CPNE1: variants seen among roughly 807,000 people sequenced by gnomAD.
CPNE1 encodes the protein copine 1, also known as copine-1.
A neutral mutation model predicts 63.2 loss-of-function variants in CPNE1; 58 were observed. The ratio of observed to expected loss-of-function variants is 0.92; its 90% CI spans 0.74 to 1.14. The LOEUF is 1.14. CPNE1 is among the 50% of genes most tolerant of loss of function. The pLI is 0.00. For synonymous variants in CPNE1, 237 were observed against 249.0 expected, an observed-to-expected ratio of 0.95 and a Z score of 0.45; for missense variants, 672 against 661.7, an observed-to-expected ratio of 1.02 and a Z score of -0.17.
intron 1 of CPNE1, among the ~76,000 whole-genome samples, chr20:35,660,202 C>CT (rs963794869): frequency 9.7e-4 from 146 of 149,828 alleles, no homozygotes; most frequent in African/African-American, 2.6e-3. Context: ...AATCTAGCCT[C>CT]TTTTTTTTTT....
At chr20:35,653,225 C>A (rs774321563) in intron 1 of CPNE1, 1 of 1,613,572 alleles carries the variant, frequency 6.2e-7, no homozygotes. Context: ...TCACCTCCTG[C>A]ACTAGGTATT....
Position 35,659,383 on chromosome 20 carries a change from G to A in CPNE1, c.-1+5377C>T, listed in dbSNP as rs141818935. ...CCGTAACACAAGTCTATTTCCCCAGGTTCTCACCAAATTTGTGATGAAAAG... is the reference window on the plus strand; with the variant it reads ...CCGTAACACAAGTCTATTTCCCCAGATTCTCACCAAATTTGTGATGAAAAG... On this transcript the variant is annotated intron_variant, in intron 1 of 15. Transcript: ENST00000397443. 2.9e-3 allele frequency among the ~76,000 whole-genome samples: 448 copies of A among 152,234 alleles called. 4 individuals carry two copies. Among genetic ancestry groups the A allele is most frequent in the Admixed American group, 0.026 (399 of 15,296 alleles).
intron 1 of CPNE1, chr20:35,650,222 T>G (rs185144907): frequency 6.6e-6 from 1 of 152,400 alleles, no homozygotes; most frequent in Admixed American, 6.5e-5. Context: ...TTCTCTCCAA[T>G]TTCTACACAA....
intron 1 of CPNE1, among the ~76,000 whole-genome samples, chr20:35,648,557 C>G (rs1414043387): frequency 6.6e-6 from 1 of 152,212 alleles, no homozygotes; most frequent in Non-Finnish European, 1.5e-5. Context: ...AATAATGGCT[C>G]AGCTACTACC....
At chr20:35,634,550 C>T (rs542298751) in intron 1 of CPNE1, among the ~76,000 whole-genome samples, 3 of 150,694 alleles carry the variant, frequency 2.0e-5, no homozygotes, top group South Asian at 2.1e-4. Flanking sequence ...GCCGAGATCG[C>T]GCCACCGTAC....
intron 1 of CPNE1, among the ~76,000 whole-genome samples, chr20:35,640,969 A>G (rs2032770134): frequency 6.6e-6 from 1 of 152,218 alleles, no homozygotes; most frequent in South Asian, 2.1e-4. Flanking sequence ...CGAATGGAAC[A>G]GCTGAGTCTA....
At chr20:35,646,236 C>T (rs2033086674) in intron 1 of CPNE1, among the ~76,000 whole-genome samples, 1 of 111,562 alleles carries the variant, frequency 9.0e-6, no homozygotes, top group African/African-American at 3.5e-5. Flanking sequence ...GCCTGGGCAG[C>T]AGAGCAAGAC....
intron 1 of CPNE1, among the ~76,000 whole-genome samples, chr20:35,636,773 A>C (rs1478099155): frequency 1.3e-5 from 2 of 151,916 alleles, no homozygotes; most frequent in African/African-American, 2.4e-5. Flanking sequence ...ACTCCATCTC[A>C]AATAATAATA....
chr20:35,632,665 G>T lies in CPNE1; in HGVS notation c.161C>A (p.Ser54Ter), dbSNP rs1376430362. 8.0e-7 allele frequency: 1 copy of T among 1,251,880 alleles called. No individual in the cohort carries two copies. Among genetic ancestry groups the T allele is most frequent in the Non-Finnish European group, 1.2e-6 (1 of 849,060 alleles). The allele number at this position is 1,251,880 out of a possible 1,614,324, so 77.5% of individuals were successfully genotyped here. A position where few individuals can be genotyped will look rare whatever the true frequency, so the allele number is the denominator to read the frequency against. Reference sequence around the variant, plus strand: ...TAGAGTCTTGGAGAACTCAGGGCTTGAGCAGTTCCGCACCCGTTCAGTCCG... The same window carrying T: ...TAGAGTCTTGGAGAACTCAGGGCTTTAGCAGTTCCGCACCCGTTCAGTCCG... ...LGRTERVRNC[S>*]SPEFSKTLQL... The change falls in exon 3 of 16, where the codon TCA becomes TAA. Residue 54 changes from serine to a stop codon, truncating the protein, a stop_gained. Transcript: ENST00000397443. LOFTEE classifies it high-confidence loss of function.
chr20:35,646,640 G>A (rs886612647), intron 1 of CPNE1, among the ~76,000 whole-genome samples: 9 of 152,076 alleles, frequency 5.9e-5, no homozygotes, highest in African/African-American at 2.2e-4. Context: ...TCCTGGTTAC[G>A]AGCAGGTTTA....
chr20:35,646,336 A>G (rs1254501716), intron 1 of CPNE1, among the ~76,000 whole-genome samples: 2 of 148,654 alleles, frequency 1.3e-5, no homozygotes, highest in Admixed American at 6.7e-5. Flanking sequence ...CTTGTGGTGT[A>G]GCACAATGTG....
chr20:35,631,365 CAGAAAAATTAGGGT>C lies in CPNE1; in HGVS notation c.715-25_715-12del. On this transcript the variant is annotated splice_polypyrimidine_tract_variant and intron_variant, in intron 8 of 15. Transcript: ENST00000397443. ...GCATTCAAACTCAGCCTGGTGAGGACAGAAAAATTAGGGTAGGAAATTCTCAGAGCATCAGTCAA... is the reference window on the plus strand; with the variant it reads ...GCATTCAAACTCAGCCTGGTGAGGACAGGAAATTCTCAGAGCATCAGTCAA... 2 of 1,613,806 alleles carry C rather than the reference CAGAAAAATTAGGGT, an allele frequency of 1.2e-6. No homozygotes were observed. The highest frequency in any genetic ancestry group is 1.7e-6 in the Non-Finnish European group (2 of 1,179,778).
chr20:35,652,321 T>C (rs117224846), intron 1 of CPNE1: 10 of 573,094 alleles, frequency 1.7e-5, no homozygotes, highest in East Asian at 1.5e-4. Context: ...TCTCTCCAGA[T>C]AGCTTTACTG....
In CPNE1 at chr20:35,646,128, T is replaced by TA. The variant is rs111736754; in HGVS notation, c.1-13206dup. 6.6e-3 allele frequency among the ~76,000 whole-genome samples: 875 copies of TA among 133,434 alleles called. 5 individuals are homozygous for TA. Among genetic ancestry groups the TA allele is most frequent in the East Asian group, 0.018 (86 of 4,680 alleles). The allele number at this position is 133,434 out of a possible 152,430, so 87.5% of individuals were successfully genotyped here. A position where few individuals can be genotyped will look rare whatever the true frequency, so the allele number is the denominator to read the frequency against. ...AATTACCTCATCTCTACAAAAAAAT[T>TA]AAAAAAAAAAAAAAATAGCTACTTA... On this transcript the variant is annotated intron_variant, in intron 1 of 15. Coordinates refer to ENST00000397443, the MANE Select transcript of CPNE1 (RefSeq NM_152925.3).
At chr20:35,652,911 C>G in intron 1 of CPNE1, 1 of 1,613,736 alleles carries the variant, frequency 6.2e-7, no homozygotes, top group Non-Finnish European at 8.5e-7. Context: ...CACTTCCAAA[C>G]CCCGGGGGAC....
At chr20:35,653,804 T>C (rs922488202) in intron 1 of CPNE1, 3 of 1,613,848 alleles carry the variant, frequency 1.9e-6, no homozygotes, top group African/African-American at 2.7e-5. Context: ...ATACCTTTCT[T>C]AGTAATTGGA....
intron 1 of CPNE1, chr20:35,654,421 G>C: frequency 6.2e-7 from 1 of 1,614,192 alleles, no homozygotes; most frequent in South Asian, 1.1e-5. Context: ...CAGATCATCA[G>C]GGTTGATGGG....
intron 1 of CPNE1, among the ~76,000 whole-genome samples, chr20:35,635,933 C>A (rs1235509561): frequency 6.6e-6 from 1 of 152,204 alleles, no homozygotes; most frequent in African/African-American, 2.4e-5. Flanking sequence ...TGATAGAAAA[C>A]CCAGTCTTAC....
At chr20:35,631,864 T>C in intron 6 of CPNE1, 81 bp downstream of exon 6, 1 of 1,541,716 alleles carries the variant, frequency 6.5e-7, no homozygotes, top group Non-Finnish European at 8.9e-7. Context: ...GCAGTCTCTT[T>C]CTGAGTTCCA....
Sources: allele counts gnomAD v4.1 joint callset (sites outside exome capture counted in the v4.1 genomes callset), GRCh38; gene constraint gnomAD v4.1.1; transcripts MANE v1.5; gene names NCBI Gene and HGNC (gene_info 2026-07-23, HGNC 2026-07-21).